RBM6: variants seen among roughly 807,000 people sequenced by gnomAD.
The protein encoded by RBM6 is RNA binding motif protein 6.
RBM6 carries 23 observed loss-of-function variants against 140.4 expected under a neutral mutation model. The ratio of observed to expected loss-of-function variants is 0.16; its 90% confidence interval spans 0.12 to 0.23. The LOEUF is 0.23. Among genes scored for constraint, RBM6 ranks in the 10% least tolerant of loss-of-function variants. The pLI is 1.00. For missense variants in RBM6, 1,139 were observed against 1,386.7 expected, an observed-to-expected ratio of 0.82 and a Z score of 2.84; for synonymous variants, 439 against 475.6, an observed-to-expected ratio of 0.92 and a Z score of 1.00.
At chr3:50,067,908 G>A (rs2090171170) in intron 17 of RBM6, among the ~76,000 whole-genome samples, 1 of 152,192 alleles carries the variant, frequency 6.6e-6, no homozygotes, top group Non-Finnish European at 1.5e-5. Context: ...TCTCTGTGGA[G>A]GCTTTGCAAA....
intron 7 of RBM6, among the ~76,000 whole-genome samples, chr3:50,050,861 T>C (rs1031882367): frequency 6.6e-6 from 1 of 152,192 alleles, no homozygotes; most frequent in African/African-American, 2.4e-5. Context: ...TTTGTATACC[T>C]CCTTTGGAGA....
At chr3:49,946,532 G>A (rs1179353031) in intron 1 of RBM6, among the ~76,000 whole-genome samples, 1 of 150,722 alleles carries the variant, frequency 6.6e-6, no homozygotes, top group East Asian at 2.0e-4. Context: ...GAGCCACCGC[G>A]CCTGGCATTT....
At chr3:49,957,719 T>C (rs1199383685) in intron 1 of RBM6, among the ~76,000 whole-genome samples, 1 of 152,192 alleles carries the variant, frequency 6.6e-6, no homozygotes. Context: ...TAATTTTTTA[T>C]GCATCTGTCT....
chr3:49,997,981 A>C (rs180765296), intron 5 of RBM6, among the ~76,000 whole-genome samples: 9 of 152,350 alleles, frequency 5.9e-5, no homozygotes, highest in Non-Finnish European at 1.2e-4. Flanking sequence ...GTCAAAACTA[A>C]AAGTAGATTA....
chr3:50,001,615 C>T (rs1190994218), intron 6 of RBM6, among the ~76,000 whole-genome samples: 2 of 152,000 alleles, frequency 1.3e-5, no homozygotes, highest in African/African-American at 2.4e-5. Flanking sequence ...ATTTTTGTGT[C>T]CTTGTGGGTC....
intron 1 of RBM6, among the ~76,000 whole-genome samples, chr3:49,960,333 A>T (rs149890288): frequency 1.3e-3 from 199 of 152,270 alleles, no homozygotes; most frequent in Non-Finnish European, 2.3e-3. Flanking sequence ...CTTTTTCTTC[A>T]TTGGATATTT....
intron 6 of RBM6, among the ~76,000 whole-genome samples, chr3:50,014,500 A>G (rs548189466): frequency 2.0e-5 from 3 of 152,330 alleles, no homozygotes; most frequent in East Asian, 3.9e-4. Context: ...CATATTTCAG[A>G]TAGTTTTCCA....
In RBM6 at chr3:50,075,728, T is replaced by C. The variant is rs371334192; in HGVS notation, c.3246+398T>C. Among the ~76,000 whole-genome samples the C allele has an allele frequency of 1.2e-4, 18 of 152,318 alleles. No homozygotes were observed. The East Asian group carries it at 2.3e-3, about 20-fold the overall frequency. The stretch of plus-strand genomic sequence containing the variant: ...CTAAAATTTAAGGAGCATGTTGTTC[T>C]GGTTCCCATGAAGGACTTTGCCCCT... On this transcript the variant is annotated intron_variant, in intron 20 of 20. Coordinates refer to ENST00000266022, the MANE Select transcript of RBM6 (RefSeq NM_005777.3).
intron 3 of RBM6, among the ~76,000 whole-genome samples, chr3:49,969,068 A>G (rs938405884): frequency 1.6e-4 from 24 of 150,114 alleles, no homozygotes; most frequent in Admixed American, 1.4e-3. Flanking sequence ...TCTGTCACCC[A>G]GGCTAGAGTG....
chr3:49,958,147 C>T (rs913963749), intron 1 of RBM6, among the ~76,000 whole-genome samples: 3 of 152,110 alleles, frequency 2.0e-5, no homozygotes, highest in Non-Finnish European at 4.4e-5. Context: ...CATTCTGGGC[C>T]GGGCGCAGTG....
intron 6 of RBM6, among the ~76,000 whole-genome samples, chr3:50,011,383 T>C (rs2086843474): frequency 1.3e-5 from 2 of 152,034 alleles, no homozygotes; most frequent in Non-Finnish European, 2.9e-5. Flanking sequence ...GACTTTCTGC[T>C]TTGAGTTATT....
intron 7 of RBM6, among the ~76,000 whole-genome samples, chr3:50,049,030 G>A (rs1215622506): frequency 7.0e-6 from 1 of 142,724 alleles, no homozygotes; most frequent in African/African-American, 2.6e-5. Context: ...CTTGAACTCC[G>A]ACCTCAAGTG....
chr3:50,026,446 C>G (rs942811537), intron 6 of RBM6, among the ~76,000 whole-genome samples: 1 of 150,038 alleles, frequency 6.7e-6, no homozygotes, highest in African/African-American at 2.5e-5. Flanking sequence ...GTGGCACGAT[C>G]TCAGCTCACT....
At chr3:50,068,826 T>C (rs2090198221) in intron 18 of RBM6, 62 bp downstream of exon 18, 1 of 1,450,184 alleles carries the variant, frequency 6.9e-7, no homozygotes, top group Non-Finnish European at 9.7e-7. Context: ...GATATAGACT[T>C]CATAGGCTGT....
chr3:50,036,139 G>A (rs192592086), intron 6 of RBM6, among the ~76,000 whole-genome samples: 5 of 151,290 alleles, frequency 3.3e-5, no homozygotes, highest in East Asian at 1.9e-4. Flanking sequence ...CAGTTGATTC[G>A]CCCACCTCAG....
chr3:49,980,715 T>G (rs1463731513), intron 5 of RBM6, among the ~76,000 whole-genome samples: 1 of 141,134 alleles, frequency 7.1e-6, no homozygotes, highest in Non-Finnish European at 1.5e-5. Flanking sequence ...TGAGCCAAGA[T>G]CACGCCATTG....
intron 5 of RBM6, among the ~76,000 whole-genome samples, chr3:49,988,696 T>C (rs1362154669): frequency 1.3e-5 from 2 of 152,166 alleles, no homozygotes; most frequent in Non-Finnish European, 2.9e-5. Flanking sequence ...TGGCTGTGCA[T>C]GGTGGCTAAT....
intron 8 of RBM6, among the ~76,000 whole-genome samples, chr3:50,056,701 A>G (rs982080625): frequency 1.7e-4 from 26 of 152,368 alleles, no homozygotes; most frequent in African/African-American, 5.5e-4. Flanking sequence ...TTGCTCTCAT[A>G]TAATACCTCT....
At chr3:50,010,163 A>G (rs2108764469) in intron 6 of RBM6, among the ~76,000 whole-genome samples, 1 of 152,296 alleles carries the variant, frequency 6.6e-6, no homozygotes, top group South Asian at 2.1e-4. Flanking sequence ...CTGGGATTAC[A>G]GGCGTGAGTG....
Sources: gnomAD v4.1 joint callset for allele counts (sites outside exome capture counted in the v4.1 genomes callset) on GRCh38, gnomAD v4.1.1 for gene constraint, MANE v1.5 for transcripts, NCBI Gene and HGNC (gene_info 2026-07-23, HGNC 2026-07-21) for gene names.